Variants in PRNP observed in about 807,000 individuals in gnomAD.
PRNP encodes the protein major prion protein.
In PRNP, 15 loss-of-function variants were observed where a neutral mutation model predicts 21.3. The ratio of observed to expected loss-of-function variants is 0.71; its 90% confidence interval spans 0.47 to 1.09. The LOEUF (loss-of-function observed/expected upper bound fraction) is 1.09. Ranked by LOEUF, PRNP falls within the 50% of genes least tolerant of loss-of-function variation. PRNP has a pLI of 0.00. For synonymous variants in PRNP, 121 were observed against 123.1 expected (o/e 0.98, Z 0.11); for missense variants, 285 against 340.9 (o/e 0.84, Z 1.29).
chr20:4,700,911 G>A lies in PRNP; in HGVS notation c.*929G>A, dbSNP rs1421307286. On this transcript the variant is annotated 3_prime_UTR_variant, in exon 2 of 2. Transcript: ENST00000379440. This position sits in a 1 kb window ranked among gnomAD's most constrained non-coding sequence, Gnocchi z 4.1. ...ATACAGGAGAGCTGCAGTTGTGAAA[G>A]CACCATCATCATAGAGGATGATGTA... 1.8e-5 allele frequency: 3 copies of A among 166,780 alleles called. No individual in the cohort carries two copies. Among genetic ancestry groups the A allele is most frequent in the Non-Finnish European group, 4.4e-5 (3 of 68,128 alleles). The allele number at this position is 166,780 out of a possible 1,614,324, so 10.3% of individuals were successfully genotyped here.
At chr20:4,690,436 G>A (rs1187281176) in intron 1 of PRNP, among the ~76,000 whole-genome samples, 1 of 152,136 alleles carries the variant, frequency 6.6e-6, no homozygotes, top group Non-Finnish European at 1.5e-5. Flanking sequence ...ATCTATAAAT[G>A]GGAATAAGAT....
intron 1 of PRNP, among the ~76,000 whole-genome samples, chr20:4,690,512 A>G (rs891955240): frequency 1.3e-5 from 2 of 152,186 alleles, no homozygotes; most frequent in Non-Finnish European, 2.9e-5. Context: ...CATTCTGCTC[A>G]TGCACCAATG....
intron 1 of PRNP, among the ~76,000 whole-genome samples, chr20:4,687,617 A>G (rs1041245161): frequency 1.3e-5 from 2 of 152,080 alleles, no homozygotes; most frequent in African/African-American, 2.4e-5. Flanking sequence ...CAATTCCACC[A>G]CGGTCACATC....
intron 1 of PRNP, among the ~76,000 whole-genome samples, chr20:4,694,682 T>C (rs958381264): frequency 1.8e-4 from 28 of 152,250 alleles, no homozygotes; most frequent in African/African-American, 6.5e-4. Flanking sequence ...GACAGTTTAT[T>C]TTGAAGTTTT....
chr20:4,691,071 CA>C (rs1921798555), intron 1 of PRNP, among the ~76,000 whole-genome samples: 1 of 152,042 alleles, frequency 6.6e-6, no homozygotes, highest in Non-Finnish European at 1.5e-5. Context: ...ACAATAGCTA[CA>C]AAATAAATAT....
At chr20:4,691,382 A>G (rs1307065752) in intron 1 of PRNP, among the ~76,000 whole-genome samples, 2 of 152,254 alleles carry the variant, frequency 1.3e-5, no homozygotes, top group Non-Finnish European at 2.9e-5. Flanking sequence ...ACCATTAAGT[A>G]TGATGTTAGC....
Position 4,700,586 on chromosome 20 carries a change from C to A in PRNP, c.*604C>A, listed in dbSNP as rs1035056007. 7 of 230,680 alleles carry A rather than the reference C, an allele frequency of 3.0e-5. No individual in the cohort carries two copies. Among genetic ancestry groups the A allele is most frequent in the Non-Finnish European group, 4.7e-5 (5 of 107,124 alleles). 14.3% of individuals were successfully genotyped at this position (230,680 alleles called of 1,614,324 possible). The stretch of plus-strand genomic sequence containing the variant: ...GATGTTTTACTTTTCACAGTATGGG[C>A]TACACAGCAGCTGTTCAACAAGAGT... On this transcript the variant is annotated 3_prime_UTR_variant, in exon 2 of 2. Coordinates refer to ENST00000379440, the MANE Select transcript of PRNP (RefSeq NM_000311.5). This position sits in a 1 kb window ranked among gnomAD's most constrained non-coding sequence, Gnocchi z 4.1.
chr20:4,698,547 T>C (rs986899800), intron 1 of PRNP, among the ~76,000 whole-genome samples: 10 of 152,166 alleles, frequency 6.6e-5, no homozygotes, highest in African/African-American at 2.4e-4. Context: ...AATTATATGG[T>C]ATGTGAATTA....
intron 1 of PRNP, among the ~76,000 whole-genome samples, chr20:4,694,862 A>AT (rs568411779): frequency 4.5e-4 from 67 of 150,158 alleles, no homozygotes; most frequent in Admixed American, 1.3e-3. Context: ...GTGTTATATC[A>AT]TTTTTTTTCA....
intron 1 of PRNP, among the ~76,000 whole-genome samples, chr20:4,688,783 G>A (rs1052913588): frequency 6.6e-6 from 1 of 152,160 alleles, no homozygotes; most frequent in Non-Finnish European, 1.5e-5. Context: ...TAACGTGAAC[G>A]CATATGTGAA....
At chr20:4,689,323 T>C (rs1419327651) in intron 1 of PRNP, among the ~76,000 whole-genome samples, 2 of 152,182 alleles carry the variant, frequency 1.3e-5, no homozygotes, top group African/African-American at 4.8e-5. Flanking sequence ...AAGGCTGTGA[T>C]CACAAGCTCT....
intron 1 of PRNP, among the ~76,000 whole-genome samples, chr20:4,689,203 G>T (rs1016637393): frequency 6.6e-6 from 1 of 152,106 alleles, no homozygotes; most frequent in African/African-American, 2.4e-5. Context: ...CTTCCTGGAG[G>T]CACAAATCTA....
chr20:4,700,539 T>C lies in PRNP; in HGVS notation c.*557T>C, dbSNP rs1922538152. On this transcript the variant is annotated 3_prime_UTR_variant, in exon 2 of 2. Coordinates refer to ENST00000379440, the MANE Select transcript of PRNP (RefSeq NM_000311.5). The surrounding 1 kb of genome is among the most constrained non-coding windows in gnomAD (Gnocchi z 4.1). Reference sequence around the variant, plus strand: ...GCTCAGCCCGCTGGAGCATGAGCTCTGTGTGTACCGAGAACTGGGGTGATG... The same window carrying C: ...GCTCAGCCCGCTGGAGCATGAGCTCCGTGTGTACCGAGAACTGGGGTGATG... 2 of 297,646 alleles carry C rather than the reference T, an allele frequency of 6.7e-6. No individual in the cohort carries two copies. Among genetic ancestry groups the C allele is most frequent in the South Asian group, 7.2e-5 (2 of 27,606 alleles). The allele number at this position is 297,646 out of a possible 1,614,324, so 18.4% of individuals were successfully genotyped here.
intron 1 of PRNP, among the ~76,000 whole-genome samples, chr20:4,692,500 A>G (rs1164208197): frequency 6.6e-6 from 1 of 152,238 alleles, no homozygotes; most frequent in Non-Finnish European, 1.5e-5. Flanking sequence ...CACCACATTA[A>G]TGGGAATGCC....
At chr20:4,687,563 C>A (rs2122193940) in intron 1 of PRNP, among the ~76,000 whole-genome samples, 1 of 151,596 alleles carries the variant, frequency 6.6e-6, no homozygotes, top group East Asian at 1.9e-4. Context: ...TTTTGCTCTT[C>A]TCTTTGAGGT....
In PRNP at chr20:4,700,353, G is replaced by T; in HGVS notation, c.*371G>T. ...ATACCTCTGGCTCCTTCAGCAGCTAGAGCTCAGTATACTAATGCCCTATCT... is the reference window on the plus strand; with the variant it reads ...ATACCTCTGGCTCCTTCAGCAGCTATAGCTCAGTATACTAATGCCCTATCT... On this transcript the variant is annotated 3_prime_UTR_variant, in exon 2 of 2. Coordinates refer to ENST00000379440, the MANE Select transcript of PRNP (RefSeq NM_000311.5). This position sits in a 1 kb window ranked among gnomAD's most constrained non-coding sequence, Gnocchi z 4.1. The T allele has an allele frequency of 2.4e-6, 1 of 415,114 alleles. No homozygotes were observed. The highest frequency in any genetic ancestry group is 4.8e-6 in the Non-Finnish European group (1 of 209,968). The allele number at this position is 415,114 out of a possible 1,614,324, so 25.7% of individuals were successfully genotyped here. A position where few individuals can be genotyped will look rare whatever the true frequency, so the allele number is the denominator to read the frequency against.
At chr20:4,687,236 GGGCGGGGGCGGGGCCTCGGGCCTC>G (rs1317766696) in intron 1 of PRNP, among the ~76,000 whole-genome samples, 32 of 152,156 alleles carry the variant, frequency 2.1e-4, no homozygotes, top group African/African-American at 6.5e-4. Context: ...GCGGACTGAC[GGGCGGGGGCGGGGCCTCGGGCCTC>G]GGCGGGGGCG....
Position 4,697,465 on chromosome 20 carries a change from G to A in PRNP, c.-10-1746G>A, listed in dbSNP as rs1399290264. Among the ~76,000 whole-genome samples, 1 of 152,182 alleles carries A rather than the reference G, an allele frequency of 6.6e-6. No individual in the cohort carries two copies. Among genetic ancestry groups the A allele is most frequent in the Non-Finnish European group, 1.5e-5 (1 of 68,028 alleles). ...GAAGCCAGGAAAGGGGGTGGGCTAG[G>A]GGGTGCTGTTTTAGGTAGAGTGATG... On this transcript the variant is annotated intron_variant, in intron 1 of 1. Coordinates refer to ENST00000379440, the MANE Select transcript of PRNP (RefSeq NM_000311.5). This position sits in a 1 kb window ranked among gnomAD's most constrained non-coding sequence, Gnocchi z 4.6.
Position 4,699,183 on chromosome 20 carries a change from C to T in PRNP, c.-10-28C>T, listed in dbSNP as rs1196270265. 1.1e-5 allele frequency: 17 copies of T among 1,611,510 alleles called. No homozygotes were observed. The highest frequency in any genetic ancestry group is 1.4e-5 in the Non-Finnish European group (17 of 1,178,060). On this transcript the variant is annotated intron_variant, in intron 1 of 1. Transcript: ENST00000379440. This position sits in a 1 kb window ranked among gnomAD's most constrained non-coding sequence, Gnocchi z 5.8. ...TAGTAATTTCAACATAAATATGGGA[C>T]TCTGACGTTCTCCTCTTCATTTTGC...
Sources: gnomAD v4.1 joint callset for allele counts (sites outside exome capture counted in the v4.1 genomes callset) on GRCh38, gnomAD v4.1.1 for gene constraint, Gnocchi (gnomAD v3.1) non-coding constraint, MANE v1.5 for transcripts, NCBI Gene and HGNC (gene_info 2026-07-23, HGNC 2026-07-21) for gene names.